Variants in DYNLRB1 observed in about 807,000 individuals in gnomAD.
DYNLRB1 encodes dynein light chain roadblock-type 1.
Under a neutral mutation model 13.5 loss-of-function variants are expected in DYNLRB1, and 6 were observed. The observed-to-expected ratio is 0.44, with a 90% confidence interval of 0.24 to 0.88. The LOEUF (loss-of-function observed/expected upper bound fraction) is 0.88, where lower values mean the gene tolerates loss of function less well. Among genes scored for constraint, DYNLRB1 ranks in the 40% least tolerant of loss-of-function variants. The pLI is 0.21. For missense variants in DYNLRB1, 93 were observed against 127.2 expected (o/e 0.73, Z 1.29); for synonymous variants, 43 against 45.0 (o/e 0.96, Z 0.18).
chr20:34,516,279 G>A (rs1376609268), upstream of DYNLRB1: 10 of 1,020,682 alleles, frequency 9.8e-6, no homozygotes, highest in Admixed American at 2.5e-4. Context: ...CTTTGCCACA[G>A]TGGAAAGCAG....
chr20:34,529,812 G>GTTAAACCTAAA lies in DYNLRB1; in HGVS notation c.79+3470_79+3471insTAAACCTAAAT, dbSNP rs533923117. 312 of 1,448,582 alleles carry GTTAAACCTAAA rather than the reference G, an allele frequency of 2.2e-4. 2 individuals carry two copies. The African/African-American group carries it at 4.1e-3, about 19-fold the overall frequency. The allele number at this position is 1,448,582 out of a possible 1,614,324, so 89.7% of individuals were successfully genotyped here. The stretch of plus-strand genomic sequence containing the variant: ...TAGACAGAACGTGCTCCCCAGCCCT[G>GTTAAACCTAAA]TCTAGTTCTGATTAAACCATGTGGT... On this transcript the variant is annotated intron_variant, in intron 2 of 3. Coordinates refer to ENST00000357156, the MANE Select transcript of DYNLRB1 (RefSeq NM_014183.4).
intron 3 of DYNLRB1, among the ~76,000 whole-genome samples, chr20:34,537,970 G>A (rs989267008): frequency 1.4e-5 from 2 of 142,466 alleles, no homozygotes; most frequent in East Asian, 2.1e-4. Flanking sequence ...GCCCAGAACC[G>A]CCCACGTGAA....
intron 2 of DYNLRB1, chr20:34,533,632 A>C (rs543022832): frequency 2.4e-6 from 1 of 420,824 alleles, no homozygotes; most frequent in South Asian, 9.9e-5. Flanking sequence ...TAGCCTGGCC[A>C]GTATGGTGAA....
intron 3 of DYNLRB1, chr20:34,536,119 C>T (rs1352330377): frequency 5.1e-6 from 5 of 985,324 alleles, no homozygotes; most frequent in African/African-American, 1.7e-5. Context: ...CAGAGAAGAA[C>T]ATAAGAATAA....
In DYNLRB1 at chr20:34,519,503, G is replaced by GA. The variant is rs548713998; in HGVS notation, c.3+3049dup. 3.7e-4 allele frequency among the ~76,000 whole-genome samples: 56 copies of GA among 152,146 alleles called. No individual in the cohort carries two copies. In the South Asian group the frequency reaches 4.6e-3, roughly 12 times the overall value. ...CACCACTGCACTCCACCCTGGGTGA[G>GA]AAAAAAATAAGAGAAAACAGAAGTT... is the stretch of plus-strand genomic sequence containing the variant. On this transcript the variant is annotated intron_variant, in intron 1 of 3. Transcript: ENST00000357156.
rs1176379251 is a variant in DYNLRB1, at chr20:34,528,236, C to T, written c.79+1893C>T. 1.1e-4 allele frequency among the ~76,000 whole-genome samples: 6 copies of T among 52,238 alleles called. 2 individuals carry two copies. Among genetic ancestry groups the T allele is most frequent in the Admixed American group, 4.0e-4 (2 of 5,020 alleles). 34.3% of individuals were successfully genotyped at this position (52,238 alleles called of 152,430 possible). ...CTGAGGCGGGAGAATGGCGTGAACC[C>T]GGGAGGCGGAGCTTGCAGTGAGCCG... is the stretch of plus-strand genomic sequence containing the variant. On this transcript the variant is annotated intron_variant, in intron 2 of 3. Transcript: ENST00000357156.
At chr20:34,520,811 G>A (rs1326601236) in intron 1 of DYNLRB1, among the ~76,000 whole-genome samples, 4 of 151,994 alleles carry the variant, frequency 2.6e-5, no homozygotes, top group Non-Finnish European at 5.9e-5. Context: ...ATCTTGTTTT[G>A]TTTCATTTTA....
chr20:34,517,454 A>G (rs1254919741), intron 1 of DYNLRB1, among the ~76,000 whole-genome samples: 2 of 152,162 alleles, frequency 1.3e-5, no homozygotes, highest in African/African-American at 2.4e-5. Context: ...AAATATGTAT[A>G]ACTTCATTTT....
intron 1 of DYNLRB1, among the ~76,000 whole-genome samples, chr20:34,518,624 AT>A (rs754167132): frequency 9.2e-5 from 13 of 141,100 alleles, no homozygotes; most frequent in Non-Finnish European, 1.1e-4. Context: ...ATTTTTTTGT[AT>A]TTTTTTTTTG....
intron 2 of DYNLRB1, chr20:34,529,966 G>T (rs768946801): frequency 2.2e-6 from 3 of 1,374,822 alleles, no homozygotes; most frequent in Non-Finnish European, 2.8e-6. Context: ...GCCCTCAACT[G>T]CCTCGAGTCC....
chr20:34,517,025 C>A, intron 1 of DYNLRB1: 1 of 1,192,140 alleles, frequency 8.4e-7, no homozygotes, highest in Admixed American at 3.8e-5. Flanking sequence ...TTCTTTCTAG[C>A]CGCTGGGACT....
chr20:34,520,888 C>T (rs1333453923), intron 1 of DYNLRB1, among the ~76,000 whole-genome samples: 1 of 152,188 alleles, frequency 6.6e-6, no homozygotes, highest in Non-Finnish European at 1.5e-5. Flanking sequence ...GTGGAAGGAC[C>T]AGTGCTTTTA....
chr20:34,530,244 G>C, intron 2 of DYNLRB1: 1 of 1,066,160 alleles, frequency 9.4e-7, no homozygotes, highest in Non-Finnish European at 1.1e-6. Context: ...AGTGAGTGCT[G>C]CTTTTTTGTA....
At chr20:34,538,590 T>C (rs533925496) in intron 3 of DYNLRB1, among the ~76,000 whole-genome samples, 44 of 152,176 alleles carry the variant, frequency 2.9e-4, no homozygotes, top group Non-Finnish European at 5.3e-4. Context: ...GCTTGATGAT[T>C]TGGAGTAAAA....
At chr20:34,536,913 G>A (rs1981194626) in intron 3 of DYNLRB1, among the ~76,000 whole-genome samples, 1 of 152,114 alleles carries the variant, frequency 6.6e-6, no homozygotes, top group South Asian at 2.1e-4. Context: ...GTGTCCCTTG[G>A]CATAAAGCTC....
chr20:34,516,707 A>C (rs921337825), intron 1 of DYNLRB1: 4 of 1,527,190 alleles, frequency 2.6e-6, no homozygotes, highest in Non-Finnish European at 3.5e-6. Flanking sequence ...AGCCTCGGCC[A>C]GGAAGAGATG....
chr20:34,540,272 C>A (rs953113694), intron 3 of DYNLRB1, among the ~76,000 whole-genome samples: 5 of 152,234 alleles, frequency 3.3e-5, no homozygotes, highest in East Asian at 1.9e-4. Flanking sequence ...GGAGTCCCCC[C>A]ACCTGGAAAA....
In DYNLRB1 at chr20:34,536,016, G is replaced by A. The variant is rs1353414098; in HGVS notation, c.247+1221G>A. ...ATAGGTTCTGTCACCAGGCCTGGAA[G>A]GATGGGCAGGAAAGAACTATAGAGC... On this transcript the variant is annotated intron_variant, in intron 3 of 3. Coordinates refer to ENST00000357156, the MANE Select transcript of DYNLRB1 (RefSeq NM_014183.4). 5 of 985,258 alleles carry A rather than the reference G, an allele frequency of 5.1e-6. No homozygotes were observed. The African/African-American group carries it at 5.2e-5, about 10-fold the overall frequency. The allele number at this position is 985,258 out of a possible 1,614,324, so 61.0% of individuals were successfully genotyped here. A position where few individuals can be genotyped will look rare whatever the true frequency, so the allele number is the denominator to read the frequency against.
intron 1 of DYNLRB1, among the ~76,000 whole-genome samples, chr20:34,523,325 CAT>C (rs1176318837): frequency 1.3e-5 from 2 of 152,184 alleles, no homozygotes; most frequent in Non-Finnish European, 2.9e-5. Context: ...CCTTTGGAAG[CAT>C]CAGGTCTTGT....
Sources: allele counts gnomAD v4.1 joint callset (sites outside exome capture counted in the v4.1 genomes callset), GRCh38; gene constraint gnomAD v4.1.1; transcripts MANE v1.5; gene names NCBI Gene and HGNC (gene_info 2026-07-23, HGNC 2026-07-21).